IRAK1BP1: variants seen among roughly 807,000 people sequenced by gnomAD.
IRAK1BP1 encodes the protein interleukin-1 receptor-associated kinase 1-binding protein 1.
In IRAK1BP1, 24 loss-of-function variants were observed where a neutral mutation model predicts 28.0. The ratio of observed to expected loss-of-function variants is 0.86; its 90% CI spans 0.62 to 1.20. The LOEUF (loss-of-function observed/expected upper bound fraction) is 1.20, where lower values mean the gene tolerates loss of function less well. Among genes scored for constraint, IRAK1BP1 ranks in the 50% most tolerant of loss-of-function variants. IRAK1BP1 has a pLI of 0.00. For missense variants in IRAK1BP1, 336 were observed against 316.7 expected (o/e 1.06, Z -0.46); for synonymous variants, 131 against 116.3 (o/e 1.13, Z -0.81).
chr6:78,901,828 A>G lies in IRAK1BP1; in HGVS notation c.*3494A>G, dbSNP rs1772113134. ...AGTGTAAACAAATAGGACTTAGAAA[A>G]ATAATTTGTAACTCAAGATGCTGTA... On this transcript the variant is annotated 3_prime_UTR_variant, in exon 4 of 4. Transcript: ENST00000369940. The G allele has an allele frequency of 6.6e-6, 1 of 152,160 alleles. No individual in the cohort carries two copies. The highest frequency in any genetic ancestry group is 2.4e-5 in the African/African-American group (1 of 41,440). The allele number at this position is 152,160 out of a possible 1,614,324, so 9.4% of individuals were successfully genotyped here.
At chr6:78,969,724 A>G in the IRAK1BP1 span, 1 of 550,484 alleles carries the variant, frequency 1.8e-6, no homozygotes, top group Non-Finnish European at 3.1e-6. Flanking sequence ...TCCTACAAAT[A>G]GCAAAAAGAT....
intron 4 of IRAK1BP1, among the ~76,000 whole-genome samples, chr6:78,933,680 T>C (rs1238128672): frequency 1.3e-5 from 2 of 151,856 alleles, no homozygotes; most frequent in East Asian, 1.9e-4. Flanking sequence ...TTTTTTTTTT[T>C]TTTTTTGGCA....
intron 1 of IRAK1BP1, among the ~76,000 whole-genome samples, chr6:78,876,567 G>T (rs926495486): frequency 1.3e-5 from 2 of 152,210 alleles, no homozygotes; most frequent in Non-Finnish European, 2.9e-5. Flanking sequence ...AATCTTGGCA[G>T]TATTAACATT....
the IRAK1BP1 span, among the ~76,000 whole-genome samples, chr6:78,974,739 A>G: frequency 6.6e-6 from 1 of 152,106 alleles, no homozygotes; most frequent in Admixed American, 6.5e-5. Context: ...AGAATACTAC[A>G]AACACTTCTA....
downstream of IRAK1BP1, among the ~76,000 whole-genome samples, chr6:78,907,747 T>C (rs1562093442): frequency 1.3e-5 from 2 of 151,844 alleles, no homozygotes; most frequent in African/African-American, 4.8e-5. Context: ...TGAGACAGAG[T>C]CTCACTCTGT....
intron 1 of IRAK1BP1, among the ~76,000 whole-genome samples, chr6:78,872,862 A>G (rs1770838308): frequency 6.6e-6 from 1 of 152,146 alleles, no homozygotes; most frequent in South Asian, 2.1e-4. Context: ...TATCATTTGA[A>G]CTTAAACTTT....
the IRAK1BP1 span, among the ~76,000 whole-genome samples, chr6:78,973,397 A>C: frequency 2.0e-5 from 3 of 150,548 alleles, no homozygotes; most frequent in Admixed American, 6.7e-5. Context: ...TGGAAAGGAA[A>C]AACCGGTACC....
At chr6:78,968,731 AAATT>A in the IRAK1BP1 span, among the ~76,000 whole-genome samples, 67,920 of 151,760 alleles carry the variant, frequency 0.45, 15,815 homozygotes, top group East Asian at 0.69. Flanking sequence ...GTTTTCCCTA[AAATT>A]AATAATTGCT....
chr6:78,893,600 A>ATT (rs773480586), intron 2 of IRAK1BP1, among the ~76,000 whole-genome samples: 54 of 152,144 alleles, frequency 3.5e-4, no homozygotes, highest in African/African-American at 1.2e-3. Flanking sequence ...AAATCTCTAT[A>ATT]TTTATATAAA....
intron 4 of IRAK1BP1, among the ~76,000 whole-genome samples, chr6:78,934,854 TTAC>T (rs1399931411): frequency 6.6e-5 from 10 of 152,316 alleles, no homozygotes; most frequent in Middle Eastern, 3.4e-3. Flanking sequence ...GGCCAGTTCA[TTAC>T]ACTGTGCTGC....
At chr6:78,886,548 T>A (rs1024342359) in intron 2 of IRAK1BP1, among the ~76,000 whole-genome samples, 3 of 152,228 alleles carry the variant, frequency 2.0e-5, no homozygotes, top group African/African-American at 7.2e-5. Flanking sequence ...GATTAAGAGC[T>A]GGTAGTATGT....
chr6:78,967,961 T>C, the IRAK1BP1 span, among the ~76,000 whole-genome samples: 1 of 151,738 alleles, frequency 6.6e-6, no homozygotes, highest in African/African-American at 2.4e-5. Flanking sequence ...GGTGAAACCC[T>C]GTCTCTACTA....
chr6:78,933,700 C>A (rs937347721), intron 4 of IRAK1BP1, among the ~76,000 whole-genome samples: 11 of 144,720 alleles, frequency 7.6e-5, no homozygotes, highest in African/African-American at 2.6e-4. Flanking sequence ...AGCTTTCTTG[C>A]CTCTCTCACC....
At chr6:78,888,153 A>T (rs1459610852) in intron 2 of IRAK1BP1, among the ~76,000 whole-genome samples, 2 of 152,196 alleles carry the variant, frequency 1.3e-5, no homozygotes, top group African/African-American at 4.8e-5. Context: ...AAATAATCAT[A>T]TCATAGAAGC....
chr6:78,881,829 G>C (rs914889159), intron 1 of IRAK1BP1, among the ~76,000 whole-genome samples: 1 of 152,030 alleles, frequency 6.6e-6, no homozygotes, highest in African/African-American at 2.4e-5. Context: ...GATAGTGGAT[G>C]GTGGGAGCCA....
At chr6:78,908,855 ACAG>A (rs1772330899) in intron 4 of IRAK1BP1, among the ~76,000 whole-genome samples, 1 of 152,218 alleles carries the variant, frequency 6.6e-6, no homozygotes, top group Non-Finnish European at 1.5e-5. Flanking sequence ...TTTCCCAACA[ACAG>A]GTTTATTTCT....
chr6:78,957,859 CTT>C, the IRAK1BP1 span: 2 of 151,928 alleles, frequency 1.3e-5, no homozygotes, highest in African/African-American at 4.8e-5. Context: ...GCTTATCACT[CTT>C]GTTATGGGAT....
the IRAK1BP1 span, among the ~76,000 whole-genome samples, chr6:78,971,940 G>A: frequency 5.4e-4 from 81 of 151,312 alleles, 1 homozygote; most frequent in South Asian, 0.015. Flanking sequence ...AGGCGGCAGC[G>A]AGGCTGGGGG....
At chr6:78,946,085 C>A (rs138108985) in exon 5 of IRAK1BP1, 9 of 1,613,392 alleles carry the variant, frequency 5.6e-6, no homozygotes, top group Non-Finnish European at 7.6e-6. Context: ...TCAGTGACAA[C>A]TGGATCTACA....
Sources: allele counts gnomAD v4.1 joint callset (sites outside exome capture counted in the v4.1 genomes callset), GRCh38; gene constraint gnomAD v4.1.1; transcripts MANE v1.5; gene names NCBI Gene and HGNC (gene_info 2026-07-23, HGNC 2026-07-21).